FAM184A: variants seen among roughly 807,000 people sequenced by gnomAD.
FAM184A encodes protein FAM184A.
Under a neutral mutation model 143.8 loss-of-function variants are expected in FAM184A, and 99 were observed. That is an observed-to-expected ratio of 0.69 (90% confidence interval 0.58 to 0.81). The LOEUF is 0.81. Among genes scored for constraint, FAM184A ranks in the 40% least tolerant of loss-of-function variants. The pLI is 0.00. For missense variants in FAM184A, 1,217 were observed against 1,310.5 expected, an observed-to-expected ratio of 0.93 and a Z score of 1.10; for synonymous variants, 427 against 446.4, an observed-to-expected ratio of 0.96 and a Z score of 0.55.
rs567524996 is a variant in FAM184A at position 119,128,681 on chromosome 6, C to T, written c.-202+20397G>A. Among the ~76,000 whole-genome samples the T allele has an allele frequency of 1.7e-3, 255 of 152,132 alleles. 1 individual carries two copies. The highest frequency in any genetic ancestry group is 5.7e-3 in the African/African-American group (236 of 41,486). On this transcript the variant is annotated intron_variant, in intron 1 of 16. Transcript: ENST00000352896. ...ATTAAAAATATTTTTAAAACTGAGG[C>T]CCCCAGTTACAATAAAATACCAAAT...
At chr6:119,041,040 C>CA (rs1225094441) in intron 1 of FAM184A, among the ~76,000 whole-genome samples, 1 of 152,182 alleles carries the variant, frequency 6.6e-6, no homozygotes, top group Non-Finnish European at 1.5e-5. Flanking sequence ...ACTACTTCCA[C>CA]ACCCTTCTCA....
At chr6:119,110,341 A>G (rs1234587413) in intron 1 of FAM184A, among the ~76,000 whole-genome samples, 2 of 152,158 alleles carry the variant, frequency 1.3e-5, no homozygotes, top group African/African-American at 2.4e-5. Flanking sequence ...CACAACAAAC[A>G]CAAGGAAGAA....
At position 119,042,160 on chromosome 6, in the gene FAM184A, C is replaced by G. The variant is rs540796162; in HGVS notation, c.160-17347G>C. Among the ~76,000 whole-genome samples the G allele has an allele frequency of 3.9e-4, 59 of 152,210 alleles. No individual in the cohort carries two copies. The South Asian group carries it at 0.011, about 27-fold the overall frequency. The stretch of plus-strand genomic sequence containing the variant: ...GGAATATGGTAAGACTGGTTAAGCC[C>G]AGAACCCAGAACCGGGGGTACATGG... On this transcript the variant is annotated intron_variant, in intron 1 of 17. Coordinates refer to ENST00000338891, the MANE Select transcript of FAM184A (RefSeq NM_024581.6).
chr6:119,120,846 TTC>T (rs1166363495), intron 1 of FAM184A, among the ~76,000 whole-genome samples: 13 of 132,450 alleles, frequency 9.8e-5, no homozygotes, highest in African/African-American at 3.7e-4. Flanking sequence ...CTTTCTTTCT[TTC>T]TTTTTTTTTT....
intron 1 of FAM184A, among the ~76,000 whole-genome samples, chr6:119,140,648 C>T (rs1772198698): frequency 6.6e-6 from 1 of 152,220 alleles, no homozygotes; most frequent in Non-Finnish European, 1.5e-5. Context: ...CCTTCCTTCT[C>T]TGCTGTTGCA....
At chr6:119,083,269 T>C (rs1788123694), upstream of FAM184A, among the ~76,000 whole-genome samples, 1 of 152,226 alleles carries the variant, frequency 6.6e-6, no homozygotes, top group Non-Finnish European at 1.5e-5. Flanking sequence ...ACCAGGAAGA[T>C]CTCTGAAATG....
chr6:119,114,835 T>C (rs1174436122), intron 1 of FAM184A, among the ~76,000 whole-genome samples: 2 of 152,100 alleles, frequency 1.3e-5, no homozygotes, highest in Non-Finnish European at 2.9e-5. Context: ...TAGGATGACA[T>C]GAGTGAGCTA....
intron 1 of FAM184A, among the ~76,000 whole-genome samples, chr6:119,055,149 T>C (rs987316079): frequency 6.6e-6 from 1 of 152,206 alleles, no homozygotes; most frequent in Admixed American, 6.5e-5. Context: ...TCATACAATA[T>C]TTAGCCTTTT....
chr6:119,048,225 T>C (rs1232592442), intron 1 of FAM184A, among the ~76,000 whole-genome samples: 1 of 152,090 alleles, frequency 6.6e-6, no homozygotes, highest in African/African-American at 2.4e-5. Flanking sequence ...TGAAGGAACA[T>C]ACCTCAAAAT....
chr6:119,023,296 T>C (rs925570561), intron 2 of FAM184A, among the ~76,000 whole-genome samples: 1 of 152,192 alleles, frequency 6.6e-6, no homozygotes, highest in African/African-American at 2.4e-5. Context: ...TCCATTCTAA[T>C]GTTGCACAGA....
Position 119,025,098 on chromosome 6 carries a change from A to T in FAM184A, c.160-285T>A, listed in dbSNP as rs557479188. Among the ~76,000 whole-genome samples the T allele has an allele frequency of 3.3e-5, 5 of 152,328 alleles. No homozygotes were observed. The South Asian group carries it at 1.0e-3, about 32-fold the overall frequency. ...TTTTTTACTACAAATGAAACAGCAA[A>T]GAGGAAATGGACAAAGGAGGCAATT... On this transcript the variant is annotated intron_variant, in intron 1 of 17. Coordinates refer to ENST00000338891, the MANE Select transcript of FAM184A (RefSeq NM_024581.6).
chr6:119,119,414 C>T (rs1789150013), intron 1 of FAM184A, among the ~76,000 whole-genome samples: 1 of 152,140 alleles, frequency 6.6e-6, no homozygotes, highest in Admixed American at 6.6e-5. Context: ...GAAGTCTCCC[C>T]CGGACACCCA....
chr6:119,116,443 C>T (rs1789065633), intron 1 of FAM184A, among the ~76,000 whole-genome samples: 2 of 152,098 alleles, frequency 1.3e-5, no homozygotes, highest in Admixed American at 1.3e-4. Context: ...GGACCTCAAG[C>T]CTCAGTGTCA....
At chr6:118,994,667 C>G (rs1031688045) in intron 9 of FAM184A, among the ~76,000 whole-genome samples, 1 of 149,644 alleles carries the variant, frequency 6.7e-6, no homozygotes, top group African/African-American at 2.5e-5. Context: ...GCCTGGGCAA[C>G]AGAGCGAGAC....
chr6:119,102,801 A>AAAAG (rs1788677444), intron 1 of FAM184A, among the ~76,000 whole-genome samples: 1 of 148,926 alleles, frequency 6.7e-6, no homozygotes, highest in South Asian at 2.1e-4. Context: ...AAAAAAAAAA[A>AAAAG]AAAAAAGAAA....
intron 17 of FAM184A, among the ~76,000 whole-genome samples, chr6:118,960,402 G>A (rs866100977): frequency 6.6e-6 from 1 of 152,128 alleles, no homozygotes; most frequent in African/African-American, 2.4e-5. Context: ...AGTTAAGGAG[G>A]AGCCACATCA....
chr6:119,112,082 A>G (rs1203814084), intron 1 of FAM184A, among the ~76,000 whole-genome samples: 2 of 151,976 alleles, frequency 1.3e-5, no homozygotes, highest in South Asian at 4.2e-4. Context: ...GAAATGTGTT[A>G]TTATTATACA....
intron 9 of FAM184A, among the ~76,000 whole-genome samples, chr6:118,984,158 A>AATATATAT (rs34576101): frequency 2.4e-5 from 3 of 126,968 alleles, no homozygotes; most frequent in African/African-American, 3.1e-5. Context: ...TTAAAAAAAA[A>AATATATAT]ATATATATAT....
At chr6:119,066,680 G>T (rs1454637260) in intron 1 of FAM184A, among the ~76,000 whole-genome samples, 1 of 152,210 alleles carries the variant, frequency 6.6e-6, no homozygotes, top group Non-Finnish European at 1.5e-5. Context: ...AGATCAAATT[G>T]TTATTTATTC....
Sources: gnomAD v4.1 joint callset for allele counts (sites outside exome capture counted in the v4.1 genomes callset) on GRCh38, gnomAD v4.1.1 for gene constraint, MANE v1.5 for transcripts, NCBI Gene and HGNC (gene_info 2026-07-23, HGNC 2026-07-21) for gene names.